The following FAAH2 variants were observed in gnomAD, a reference collection of about 807,000 sequenced individuals.
The protein encoded by FAAH2 is fatty acid amide hydrolase 2.
Under a neutral mutation model 36.9 loss-of-function variants are expected in FAAH2, and 60 were observed. The ratio of observed to expected loss-of-function variants is 1.63; its 90% confidence interval spans 1.32 to 2.02. The LOEUF (loss-of-function observed/expected upper bound fraction) is 2.02. Ranked by LOEUF, FAAH2 falls within the 30% of genes most tolerant of loss-of-function variation. FAAH2 has a pLI of 0.00. For synonymous variants in FAAH2, 214 were observed against 143.8 expected (o/e 1.49, Z -3.49); for missense variants, 689 against 397.5 (o/e 1.73, Z -6.23).
chrX:57,263,043 G>A, the FAAH2 span, among the ~76,000 whole-genome samples: 39,867 of 109,499 alleles, frequency 0.36, 6,261 homozygotes, highest in Middle Eastern at 0.62. Context: ...CCTAAAATTA[G>A]GAAACAGGCA....
At chrX:57,194,321 T>C in the FAAH2 span, among the ~76,000 whole-genome samples, 5 of 111,555 alleles carry the variant, frequency 4.5e-5, no homozygotes, top group African/African-American at 1.6e-4. Context: ...TAATTACTCA[T>C]AGTATCCAAT....
At chrX:57,480,886 G>A (rs1342171131) in intron 10 of FAAH2, among the ~76,000 whole-genome samples, 3 of 109,538 alleles carry the variant, frequency 2.7e-5, no homozygotes, top group Non-Finnish European at 5.7e-5. Flanking sequence ...TCGATCGTAG[G>A]TTTGTTATTT....
At chrX:57,212,409 C>T in the FAAH2 span, among the ~76,000 whole-genome samples, 1 of 111,694 alleles carries the variant, frequency 9.0e-6, no homozygotes, top group South Asian at 3.7e-4. Flanking sequence ...ATTCAAAATG[C>T]AGACTTTAAA....
chrX:57,380,875 A>T (rs1278248966), intron 6 of FAAH2, 37 bp from the exon 7 acceptor site: 8 of 888,487 alleles, frequency 9.0e-6, no homozygotes, highest in Non-Finnish European at 1.3e-5. Flanking sequence ...ATATCTAAAT[A>T]ATTTGTTGAT....
chrX:57,367,029 C>T (rs2054434823), intron 5 of FAAH2, among the ~76,000 whole-genome samples: 1 of 112,396 alleles, frequency 8.9e-6, no homozygotes, highest in Admixed American at 9.4e-5. Flanking sequence ...TCCTTGCTAG[C>T]TCAGGTGTAC....
chrX:57,359,762 C>T (rs142802368), intron 5 of FAAH2, among the ~76,000 whole-genome samples: 2 of 111,078 alleles, frequency 1.8e-5, no homozygotes, highest in East Asian at 2.8e-4. Flanking sequence ...TGCGTATTTA[C>T]CTCTACCAGA....
chrX:57,380,901 A>G lies in FAAH2; in HGVS notation c.879-11A>G. ...ATTTGTTGATGTCAGTTTCTTTTTA[A>G]TCCTACACAGGTTAAAACTAGACAC... On this transcript the variant is annotated splice_polypyrimidine_tract_variant and intron_variant, in intron 6 of 10. Transcript: ENST00000374900. The G allele has an allele frequency of 9.2e-7, 1 of 1,086,380 alleles. No individual in the cohort carries two copies. The highest frequency in any genetic ancestry group is 3.1e-5 in the East Asian group (1 of 32,784). The allele number at this position is 1,086,380 out of a possible 1,213,427, so 89.5% of individuals were successfully genotyped here.
chrX:57,317,427 T>G (rs2052874720), intron 3 of FAAH2, among the ~76,000 whole-genome samples: 1 of 112,179 alleles, frequency 8.9e-6, no homozygotes, highest in African/African-American at 3.2e-5. Context: ...AGAAGGGCAT[T>G]ACATAATCAT....
the FAAH2 span, among the ~76,000 whole-genome samples, chrX:57,177,930 T>G: frequency 7.2e-5 from 8 of 110,804 alleles, no homozygotes; most frequent in East Asian, 2.3e-3. Context: ...GGTGCTTTCT[T>G]AATGTGGCAC....
the FAAH2 span, chrX:57,229,059 C>A: frequency 1.2e-4 from 13 of 108,871 alleles, no homozygotes; most frequent in Admixed American, 7.9e-4. Flanking sequence ...TCTAAGATGA[C>A]GGAAATTATT....
chrX:57,203,886 T>C, the FAAH2 span, among the ~76,000 whole-genome samples: 1 of 112,157 alleles, frequency 8.9e-6, no homozygotes, highest in Non-Finnish European at 1.9e-5. Context: ...TTAAGAGCTA[T>C]TAACAGTTTC....
At chrX:57,323,228 T>A (rs953220043) in intron 3 of FAAH2, among the ~76,000 whole-genome samples, 1 of 111,966 alleles carries the variant, frequency 8.9e-6, no homozygotes, top group Non-Finnish European at 1.9e-5. Context: ...TAATCCAGTC[T>A]ATCATTGTTG....
chrX:57,327,712 G>C (rs184775517), intron 3 of FAAH2, among the ~76,000 whole-genome samples: 1 of 111,238 alleles, frequency 9.0e-6, no homozygotes, highest in Non-Finnish European at 1.9e-5. Flanking sequence ...GGACTTCTCT[G>C]CCTTGATTAT....
At chrX:57,243,654 G>A in the FAAH2 span, among the ~76,000 whole-genome samples, 1 of 111,939 alleles carries the variant, frequency 8.9e-6, no homozygotes, top group Non-Finnish European at 1.9e-5. Flanking sequence ...TGCAGCAGAG[G>A]GGCCTGACTG....
chrX:57,450,641 C>T (rs1201874185), intron 10 of FAAH2, among the ~76,000 whole-genome samples: 7 of 110,727 alleles, frequency 6.3e-5, no homozygotes, highest in African/African-American at 2.3e-4. Context: ...AGAAATACCC[C>T]TCTCAGTTTC....
chrX:57,162,703 C>T, the FAAH2 span, among the ~76,000 whole-genome samples: 1 of 112,117 alleles, frequency 8.9e-6, no homozygotes, highest in East Asian at 2.8e-4. Flanking sequence ...CCTTGGTTTT[C>T]AGCTCCATCA....
rs147773446 is a variant in FAAH2 at position 57,401,213 on chromosome X, C to T, written c.996+20184C>T. On this transcript the variant is annotated intron_variant, in intron 7 of 10. Coordinates refer to ENST00000374900, the MANE Select transcript of FAAH2 (RefSeq NM_174912.4). ...AACGGGCAGCTAAAAGTAAATCATC[C>T]GCATACCAAAAGACAAGAGTGTCCA... 4.3e-3 allele frequency among the ~76,000 whole-genome samples: 483 copies of T among 111,783 alleles called. 3 individuals are homozygous for T. Among genetic ancestry groups the T allele is most frequent in the African/African-American group, 0.015 (454 of 30,758 alleles).
At chrX:57,466,991 C>T (rs922157457) in intron 10 of FAAH2, among the ~76,000 whole-genome samples, 1 of 111,287 alleles carries the variant, frequency 9.0e-6, no homozygotes, top group African/African-American at 3.3e-5. Context: ...GTCTCAAAAA[C>T]AAGCTCTCCA....
rs372428847 is a variant in FAAH2, at chrX:57,432,603, T to G, written c.1116+566T>G. Among the ~76,000 whole-genome samples the G allele has an allele frequency of 3.6e-5, 4 of 111,698 alleles. No homozygotes were observed. The East Asian group carries it at 8.5e-4, about 24-fold the overall frequency. On this transcript the variant is annotated intron_variant, in intron 8 of 10. Coordinates refer to ENST00000374900, the MANE Select transcript of FAAH2 (RefSeq NM_174912.4). ...GATTAGAAGCTGATACAGGTACTTG[T>G]GAAAGAAGCTTCCCTTATGCCAGGT...
Sources: gnomAD v4.1 joint callset for allele counts (sites outside exome capture counted in the v4.1 genomes callset) on GRCh38, gnomAD v4.1.1 for gene constraint, MANE v1.5 for transcripts, NCBI Gene and HGNC (gene_info 2026-07-23, HGNC 2026-07-21) for gene names.